Variants in FCHO2 observed in about 807,000 individuals in gnomAD.
FCHO2 encodes the protein FCH and mu domain containing endocytic adaptor 2.
FCHO2 carries 43 observed loss-of-function variants against 114.1 expected under a neutral mutation model. That is an observed-to-expected ratio of 0.38 (90% CI 0.30 to 0.49). FCHO2 has a LOEUF of 0.49. Among genes scored for constraint, FCHO2 ranks in the 20% least tolerant of loss-of-function variants. The pLI, the probability that FCHO2 is intolerant of heterozygous loss-of-function variation, is 0.97. For missense variants in FCHO2, 807 were observed against 950.4 expected (o/e 0.85, Z 1.98); for synonymous variants, 293 against 315.2 (o/e 0.93, Z 0.75).
chr5:72,958,756 T>C (rs1015775934), intron 1 of FCHO2, among the ~76,000 whole-genome samples: 4 of 152,364 alleles, frequency 2.6e-5, no homozygotes, highest in African/African-American at 9.6e-5. Context: ...ATTTATAAAA[T>C]GTTTTAAAGA....
intron 19 of FCHO2, among the ~76,000 whole-genome samples, chr5:73,073,483 A>AT (rs939367914): frequency 4.0e-5 from 6 of 151,780 alleles, no homozygotes; most frequent in South Asian, 4.2e-4. Flanking sequence ...AAAAGGCACC[A>AT]TTTTTTTTAA....
chr5:73,022,955 AT>A (rs571869107), intron 8 of FCHO2, among the ~76,000 whole-genome samples: 12 of 148,872 alleles, frequency 8.1e-5, no homozygotes, highest in South Asian at 4.3e-4. Context: ...AGTAGAACTT[AT>A]TTTTTTTTTG....
intron 17 of FCHO2, among the ~76,000 whole-genome samples, chr5:73,062,155 A>G (rs1263305529): frequency 6.6e-6 from 1 of 152,124 alleles, no homozygotes; most frequent in East Asian, 1.9e-4. Context: ...AGCAAAAAAT[A>G]AAACACAGGA....
In FCHO2 at chr5:72,986,715, A is replaced by AT. The variant is rs536563024; in HGVS notation, c.126-2705dup. On this transcript the variant is annotated intron_variant, in intron 2 of 25. Coordinates refer to ENST00000430046, the MANE Select transcript of FCHO2 (RefSeq NM_138782.3). ...GGAGCAGAAGTCTTTTAGAATTAGG[A>AT]TTTTTTTCAGATTTTGGAGTATTTG... 5.3e-5 allele frequency among the ~76,000 whole-genome samples: 8 copies of AT among 152,126 alleles called. No individual in the cohort carries two copies. The South Asian group carries it at 8.3e-4, about 16-fold the overall frequency.
At chr5:72,977,281 G>A (rs962983469) in intron 2 of FCHO2, among the ~76,000 whole-genome samples, 1 of 152,126 alleles carries the variant, frequency 6.6e-6, no homozygotes, top group Non-Finnish European at 1.5e-5. Flanking sequence ...ATTCTCTCCA[G>A]CATCTGTTGT....
chr5:72,958,315 C>T (rs1427404697), intron 1 of FCHO2, among the ~76,000 whole-genome samples: 1 of 152,006 alleles, frequency 6.6e-6, no homozygotes, highest in Admixed American at 6.6e-5. Context: ...TATAGTTTTA[C>T]TTCTTCTGTT....
At chr5:73,017,749 C>A (rs1024112944) in intron 8 of FCHO2, among the ~76,000 whole-genome samples, 3 of 152,028 alleles carry the variant, frequency 2.0e-5, no homozygotes, top group Non-Finnish European at 2.9e-5. Context: ...TTAATAACTT[C>A]TTTCTTTTCT....
At chr5:73,080,504 G>A (rs572099577) in intron 22 of FCHO2, among the ~76,000 whole-genome samples, 115 of 152,194 alleles carry the variant, frequency 7.6e-4, no homozygotes, top group African/African-American at 2.7e-3. Context: ...CATCAGCAGA[G>A]GAGGAAATTA....
At chr5:72,967,409 GT>G (rs1752261045) in intron 1 of FCHO2, among the ~76,000 whole-genome samples, 1 of 152,152 alleles carries the variant, frequency 6.6e-6, no homozygotes, top group Non-Finnish European at 1.5e-5. Context: ...TAAGTATTTT[GT>G]GATACTCAAT....
At chr5:73,029,099 C>A (rs1234902161) in intron 8 of FCHO2, among the ~76,000 whole-genome samples, 1 of 152,118 alleles carries the variant, frequency 6.6e-6, no homozygotes, top group Non-Finnish European at 1.5e-5. Context: ...GTAGTAGACT[C>A]ACAAATGTCA....
At chr5:73,057,761 C>T (rs1287353801) in intron 16 of FCHO2, among the ~76,000 whole-genome samples, 1 of 152,062 alleles carries the variant, frequency 6.6e-6, no homozygotes, top group African/African-American at 2.4e-5. Context: ...AGCTGTATGT[C>T]TTTGGGCAGT....
At chr5:73,045,992 C>T (rs894309313) in intron 11 of FCHO2, among the ~76,000 whole-genome samples, 1 of 152,146 alleles carries the variant, frequency 6.6e-6, no homozygotes, top group African/African-American at 2.4e-5. Context: ...CAGTGAATCA[C>T]TTCGTAGAGT....
At chr5:72,992,682 C>T (rs1459395677) in intron 5 of FCHO2, among the ~76,000 whole-genome samples, 1 of 152,160 alleles carries the variant, frequency 6.6e-6, no homozygotes, top group Non-Finnish European at 1.5e-5. Context: ...GATACAGAGA[C>T]ACAATCCTGA....
intron 13 of FCHO2, among the ~76,000 whole-genome samples, chr5:73,053,872 T>A (rs1360318420): frequency 1.3e-5 from 2 of 148,228 alleles, no homozygotes; most frequent in Non-Finnish European, 3.0e-5. Context: ...TTCTCTTTTG[T>A]ACTCTTCTCT....
intron 8 of FCHO2, among the ~76,000 whole-genome samples, chr5:73,023,669 C>T (rs1755755132): frequency 6.6e-6 from 1 of 150,950 alleles, no homozygotes; most frequent in Non-Finnish European, 1.5e-5. Context: ...CATTGCACTC[C>T]AGCCTAGGCA....
intron 1 of FCHO2, among the ~76,000 whole-genome samples, chr5:72,964,755 T>G (rs907667354): frequency 3.3e-5 from 5 of 152,194 alleles, no homozygotes; most frequent in South Asian, 2.1e-4. Flanking sequence ...TGCAGAGTAC[T>G]TTTAATGATC....
intron 8 of FCHO2, among the ~76,000 whole-genome samples, chr5:73,030,039 C>A (rs1450462402): frequency 7.1e-6 from 1 of 140,218 alleles, no homozygotes; most frequent in African/African-American, 2.6e-5. Context: ...TTCTTTCTTT[C>A]TTTTTGTTTT....
At chr5:73,058,290 T>G (rs1757693944) in intron 16 of FCHO2, 143 bp from the exon 17 acceptor site, 1 of 500,242 alleles carries the variant, frequency 2.0e-6, no homozygotes, top group Non-Finnish European at 3.5e-6. Flanking sequence ...GGATTACAGG[T>G]GTGAGCCATG....
At position 73,052,414 on chromosome 5, in the gene FCHO2, G is replaced by A. The variant is rs750586319; in HGVS notation, c.1080G>A (p.Lys360=). 26 of 1,604,906 alleles carry A rather than the reference G, an allele frequency of 1.6e-5. No individual in the cohort carries two copies. Among genetic ancestry groups the A allele is most frequent in the East Asian group, 1.3e-4 (6 of 44,738 alleles). Residue 360 remains lysine (K), a synonymous_variant, in exon 13 of 26, where the codon AAG becomes AAA. Coordinates refer to ENST00000430046, the MANE Select transcript of FCHO2 (RefSeq NM_138782.3). ...CAAAGAAGTATCGGATAGAAATTAA[G>A]CCTATGCATCCAAATAACTCACATC... ...EEPKKYRIEI[K]PMHPNNSHHT... is the part of the protein sequence containing the mutation.
Sources: gnomAD v4.1 joint callset for allele counts (sites outside exome capture counted in the v4.1 genomes callset) on GRCh38, gnomAD v4.1.1 for gene constraint, MANE v1.5 for transcripts, NCBI Gene and HGNC (gene_info 2026-07-23, HGNC 2026-07-21) for gene names.